Variants in MED1 observed in about 807,000 individuals in gnomAD.
MED1 encodes the protein mediator complex subunit 1, also known as mediator of RNA polymerase II transcription subunit 1.
In MED1, 17 loss-of-function variants were observed where a neutral mutation model predicts 121.3. The observed-to-expected ratio is 0.14, with a 90% CI of 0.10 to 0.21. MED1 has a LOEUF of 0.21. Among genes scored for constraint, MED1 ranks in the 10% least tolerant of loss-of-function variants. MED1 has a pLI of 1.00. For missense variants in MED1, 1,558 were observed against 1,919.4 expected (o/e 0.81, Z 3.52); for synonymous variants, 661 against 694.4 (o/e 0.95, Z 0.76).
At chr17:39,419,691 T>C (rs1169086301) in intron 14 of MED1, 26 bp downstream of exon 14, 1 of 1,579,416 alleles carries the variant, frequency 6.3e-7, no homozygotes, top group Non-Finnish European at 8.7e-7. Context: ...CATCTTCCAG[T>C]AAGCATATCA....
At chr17:39,450,964 C>T in intron 1 of MED1, 74 bp downstream of exon 1, 2 of 1,438,734 alleles carry the variant, frequency 1.4e-6, no homozygotes, top group South Asian at 1.2e-5. Context: ...CATGGGACAT[C>T]TGCAAGAACC....
chr17:39,414,056 G>T (rs559388578), intron 16 of MED1, among the ~76,000 whole-genome samples: 9 of 151,444 alleles, frequency 5.9e-5, no homozygotes, highest in African/African-American at 2.2e-4. Flanking sequence ...GTGAAACCCC[G>T]TCTCTACTAA....
intron 13 of MED1, among the ~76,000 whole-genome samples, chr17:39,420,790 TA>T (rs2048455895): frequency 1.1e-5 from 1 of 92,848 alleles, no homozygotes; most frequent in African/African-American, 3.4e-5. Flanking sequence ...CACATGTGCC[TA>T]TTTTTTTTTT....
In MED1 at chr17:39,410,084, A is replaced by G. The variant is rs1215187762; in HGVS notation, c.2137T>C (p.Phe713Leu). The change falls in exon 17 of 17, where the codon TTT becomes CTT. Residue 713 changes from phenylalanine to leucine, a missense_variant. Coordinates refer to ENST00000300651, the MANE Select transcript of MED1 (RefSeq NM_004774.4). ...QTEDDFQREL[F>L]SMDVDSQNPI... ...TTCTGTGAGTCAACATCCATTGAAA[A>G]TAGCTCCCTCTGAAAGTCATCTTCA... 1 of 1,614,124 alleles carries G rather than the reference A, an allele frequency of 6.2e-7. No homozygotes were observed. Among genetic ancestry groups the G allele is most frequent in the Non-Finnish European group, 8.5e-7 (1 of 1,180,024 alleles).
chr17:39,412,868 G>A (rs899693825), intron 16 of MED1, among the ~76,000 whole-genome samples: 1 of 152,008 alleles, frequency 6.6e-6, no homozygotes, highest in African/African-American at 2.4e-5. Context: ...ATAGTAATCC[G>A]TTAGGCTTTG....
At position 39,405,072 on chromosome 17, in the gene MED1, G is replaced by T; in HGVS notation, c.*2403C>A. ...TGACTTCATGTCCTTGCCTTCTTTT[G>T]AAACAGAAGAATGAGTACACCTAGA... On this transcript the variant is annotated 3_prime_UTR_variant, in exon 17 of 17. Coordinates refer to ENST00000300651, the MANE Select transcript of MED1 (RefSeq NM_004774.4). The T allele has an allele frequency of 1.2e-6, 1 of 864,262 alleles. No homozygotes were observed. The highest frequency in any genetic ancestry group is 1.7e-6 in the Non-Finnish European group (1 of 602,330). 53.5% of individuals were successfully genotyped at this position (864,262 alleles called of 1,614,324 possible).
Position 39,409,947 on chromosome 17 carries a change from G to A in MED1, c.2274C>T (p.His758=), listed in dbSNP as rs772800975. ...PPTTYPQPVP[H]PQPSIQRMVR... ...CCATCCTTTGAATACTGGGTTGGGG[G>A]TGAGGTACTGGTTGTGGGTAAGTTG... The change falls in exon 17 of 17, where the codon CAC becomes CAT. Residue 758 remains histidine, a synonymous_variant. Coordinates refer to ENST00000300651, the MANE Select transcript of MED1 (RefSeq NM_004774.4). 6.2e-7 allele frequency: 1 copy of A among 1,614,174 alleles called. No individual in the cohort carries two copies. Among genetic ancestry groups the A allele is most frequent in the Non-Finnish European group, 8.5e-7 (1 of 1,180,032 alleles).
At chr17:39,430,873 G>T (rs911274063) in intron 9 of MED1, among the ~76,000 whole-genome samples, 6 of 151,884 alleles carry the variant, frequency 4.0e-5, no homozygotes, top group African/African-American at 1.5e-4. Context: ...GAATAAATTA[G>T]CTGGCTATTG....
chr17:39,407,124 A>C lies in MED1; in HGVS notation c.*351T>G, dbSNP rs2048309628. ...AAATGAGTTTAAAACATGGCCTAAA[A>C]ATGGAAAAAGGGAGAAGAAAATATA... is the stretch of plus-strand genomic sequence containing the variant. On this transcript the variant is annotated 3_prime_UTR_variant, in exon 17 of 17. Coordinates refer to ENST00000300651, the MANE Select transcript of MED1 (RefSeq NM_004774.4). The C allele has an allele frequency of 3.0e-6, 3 of 1,008,270 alleles. No homozygotes were observed. The highest frequency in any genetic ancestry group is 5.6e-5 in the Admixed American group (1 of 17,804). The allele number at this position is 1,008,270 out of a possible 1,614,324, so 62.5% of individuals were successfully genotyped here. A position where few individuals can be genotyped will look rare whatever the true frequency, so the allele number is the denominator to read the frequency against.
intron 13 of MED1, among the ~76,000 whole-genome samples, chr17:39,420,269 G>C (rs1320104293): frequency 1.4e-5 from 2 of 146,596 alleles, no homozygotes; most frequent in Non-Finnish European, 3.0e-5. Flanking sequence ...GTGCGATCTC[G>C]GCTCACTGCA....
chr17:39,416,740 C>G (rs2048413042), intron 14 of MED1, among the ~76,000 whole-genome samples: 1 of 152,152 alleles, frequency 6.6e-6, no homozygotes, highest in Admixed American at 6.6e-5. Flanking sequence ...AATCCCAACA[C>G]TTTGGGACAC....
At chr17:39,422,733 C>T (rs933199771) in intron 13 of MED1, among the ~76,000 whole-genome samples, 2 of 151,756 alleles carry the variant, frequency 1.3e-5, no homozygotes, top group South Asian at 2.1e-4. Flanking sequence ...CCTTGGCCTC[C>T]CAAATTCCTG....
intron 6 of MED1, among the ~76,000 whole-genome samples, chr17:39,436,934 C>CTT (rs879348801): frequency 1.4e-5 from 2 of 142,664 alleles, no homozygotes; most frequent in African/African-American, 5.1e-5. Flanking sequence ...TGCTCAGCTA[C>CTT]TTTTTTTTTT....
At chr17:39,412,536 T>C (rs904195253) in intron 16 of MED1, among the ~76,000 whole-genome samples, 13 of 148,768 alleles carry the variant, frequency 8.7e-5, no homozygotes, top group African/African-American at 3.2e-4. Context: ...AATTTTTCTT[T>C]TTTTTTTTTT....
chr17:39,413,934 AAAAC>A (rs2048380433), intron 16 of MED1, among the ~76,000 whole-genome samples: 1 of 149,804 alleles, frequency 6.7e-6, no homozygotes, highest in African/African-American at 2.5e-5. Context: ...AAAAAAAAAA[AAAAC>A]AAAGCTGGCT....
At chr17:39,434,901 C>T (rs530404253) in intron 6 of MED1, among the ~76,000 whole-genome samples, 22 of 152,202 alleles carry the variant, frequency 1.4e-4, no homozygotes, top group African/African-American at 4.8e-4. Flanking sequence ...GCACAGTCCT[C>T]GCGCCTGTAA....
At position 39,440,061 on chromosome 17, in the gene MED1, GAAAAGA is replaced by G. The variant is rs1458605183; in HGVS notation, c.399+319_399+324del. 3.5e-5 allele frequency among the ~76,000 whole-genome samples: 5 copies of G among 142,986 alleles called. No individual in the cohort carries two copies. The highest frequency in any genetic ancestry group is 7.7e-5 in the Non-Finnish European group (5 of 64,928). The allele number at this position is 142,986 out of a possible 152,430, so 93.8% of individuals were successfully genotyped here. A position where few individuals can be genotyped will look rare whatever the true frequency, so the allele number is the denominator to read the frequency against. ...GAGAAAGAGAAAGAAAGAAAAGAAAGAAAAGAAAAAGAAAGCAAGCAAGCAAGCAAG... is the reference window on the plus strand; with the variant it reads ...GAGAAAGAGAAAGAAAGAAAAGAAAGAAAAGAAAGCAAGCAAGCAAGCAAG... On this transcript the variant is annotated intron_variant, in intron 5 of 16. Coordinates refer to ENST00000300651, the MANE Select transcript of MED1 (RefSeq NM_004774.4). This position sits in a 1 kb window ranked among gnomAD's most constrained non-coding sequence, Gnocchi z 4.1.
At chr17:39,437,132 G>T (rs186155400) in intron 6 of MED1, among the ~76,000 whole-genome samples, 1 of 152,158 alleles carries the variant, frequency 6.6e-6, no homozygotes, top group African/African-American at 2.4e-5. Context: ...GGGTTTCTCC[G>T]TGTTGGTCAG....
chr17:39,412,537 T>C lies in MED1; in HGVS notation c.1500-1816A>G, dbSNP rs549290992. On this transcript the variant is annotated intron_variant, in intron 16 of 16. Transcript: ENST00000300651. ...ACACCCAGCCAGCAAATTTTTCTTT[T>C]TTTTTTTTTTTTTTTCTTTGAGACA... is the stretch of plus-strand genomic sequence containing the variant. Among the ~76,000 whole-genome samples the C allele has an allele frequency of 4.1e-3, 616 of 149,352 alleles. 6 individuals are homozygous for C. The highest frequency in any genetic ancestry group is 0.014 in the African/African-American group (568 of 40,804).
Sources: allele counts gnomAD v4.1 joint callset (sites outside exome capture counted in the v4.1 genomes callset), GRCh38; gene constraint gnomAD v4.1.1; non-coding constraint Gnocchi (gnomAD v3.1); transcripts MANE v1.5; gene names NCBI Gene and HGNC (gene_info 2026-07-23, HGNC 2026-07-21).